GTPBP10: variants seen among roughly 807,000 people sequenced by gnomAD.
GTPBP10 encodes GTP-binding protein 10.
A neutral mutation model predicts 44.8 loss-of-function variants in GTPBP10; 38 were observed. The observed-to-expected ratio is 0.85, with a 90% confidence interval of 0.65 to 1.11. The LOEUF is 1.11. GTPBP10 is among the 50% of genes most tolerant of loss of function. The probability of loss-of-function intolerance (pLI) is 0.00; values close to 1 mark genes in which losing one functional copy is unlikely to be tolerated. For missense variants in GTPBP10, 462 were observed against 453.7 expected, an observed-to-expected ratio of 1.02 and a Z score of -0.17; for synonymous variants, 152 against 150.6, an observed-to-expected ratio of 1.01 and a Z score of -0.07.
rs374946818 is a variant in GTPBP10, at chr7:90,355,071, C to T, written c.320-15C>T. ...ATTAATCTTTGCTGTAAGTATTTCT[C>T]TCCCTCTTTTTAAGGAGAACTCAAT... On this transcript the variant is annotated splice_polypyrimidine_tract_variant and intron_variant, in intron 3 of 9. Coordinates refer to ENST00000222511, the MANE Select transcript of GTPBP10 (RefSeq NM_033107.4). 26 of 1,502,542 alleles carry T rather than the reference C, an allele frequency of 1.7e-5. No individual in the cohort carries two copies. The African/African-American group carries it at 3.1e-4, about 18-fold the overall frequency. 93.1% of individuals were successfully genotyped at this position (1,502,542 alleles called of 1,614,324 possible).
chr7:90,385,017 C>G lies in GTPBP10; in HGVS notation c.1027C>G (p.Leu343Val), dbSNP rs769091506. 1.7e-5 allele frequency: 27 copies of G among 1,613,852 alleles called. No individual in the cohort carries two copies. Among genetic ancestry groups the G allele is most frequent in the Non-Finnish European group, 2.2e-5 (26 of 1,179,962 alleles). Reference sequence around the variant, plus strand: ...ATTAAAGAATTGTATAAGAAAGTCACTGGATGAACAGGCCAACCAGGAAAA... The same window carrying G: ...ATTAAAGAATTGTATAAGAAAGTCAGTGGATGAACAGGCCAACCAGGAAAA... Reference protein sequence around the residue: ...EELKNCIRKSLDEQANQENDA... With the variant: ...EELKNCIRKSVDEQANQENDA... The change falls in exon 10 of 10, where the codon CTG becomes GTG. Residue 343 changes from leucine (L) to valine (V), a missense_variant. Transcript: ENST00000222511.
chr7:90,361,163 A>G (rs28783219), intron 4 of GTPBP10, among the ~76,000 whole-genome samples: 2,064 of 152,248 alleles, frequency 0.014, 55 homozygotes, highest in African/African-American at 0.046. Context: ...AGAACTTCCA[A>G]TACTATGTTG....
intron 1 of GTPBP10, among the ~76,000 whole-genome samples, chr7:90,349,164 G>C (rs535837616): frequency 2.0e-4 from 31 of 152,290 alleles, no homozygotes; most frequent in East Asian, 9.6e-4. Context: ...CGAACTTACT[G>C]TTTGGGGCTT....
At chr7:90,360,516 A>C (rs1448626121) in intron 4 of GTPBP10, among the ~76,000 whole-genome samples, 1 of 152,208 alleles carries the variant, frequency 6.6e-6, no homozygotes, top group Admixed American at 6.5e-5. Context: ...TTTTGGTACC[A>C]GTACCATGCT....
At chr7:90,351,531 A>G (rs1795791022) in intron 1 of GTPBP10, among the ~76,000 whole-genome samples, 3 of 152,222 alleles carry the variant, frequency 2.0e-5, no homozygotes, top group African/African-American at 7.2e-5. Flanking sequence ...TTTTTTCAAT[A>G]TTTCCAATCT....
intron 4 of GTPBP10, among the ~76,000 whole-genome samples, chr7:90,359,252 C>T (rs1014819475): frequency 1.3e-5 from 2 of 152,024 alleles, no homozygotes; most frequent in Non-Finnish European, 2.9e-5. Context: ...CCCATCAACT[C>T]GTCATTTACA....
chr7:90,370,335 A>AGTGTGTGT (rs33997739), intron 4 of GTPBP10, among the ~76,000 whole-genome samples: 55 of 149,328 alleles, frequency 3.7e-4, no homozygotes, highest in African/African-American at 9.1e-4. Context: ...AAGAAAATTG[A>AGTGTGTGT]GTGTGTGTGT....
At chr7:90,356,862 A>C (rs945822175) in intron 4 of GTPBP10, among the ~76,000 whole-genome samples, 1 of 152,228 alleles carries the variant, frequency 6.6e-6, no homozygotes, top group African/African-American at 2.4e-5. Context: ...GGAAAACTGC[A>C]TATAATGAAA....
chr7:90,375,450 G>A (rs1244660603), intron 6 of GTPBP10, among the ~76,000 whole-genome samples: 1 of 151,836 alleles, frequency 6.6e-6, no homozygotes, highest in East Asian at 1.9e-4. Flanking sequence ...CATCAATATG[G>A]GTTCATACAG....
intron 4 of GTPBP10, among the ~76,000 whole-genome samples, chr7:90,369,702 C>A (rs1281731102): frequency 6.6e-6 from 1 of 152,156 alleles, no homozygotes; most frequent in African/African-American, 2.4e-5. Flanking sequence ...AGGAGTGTAC[C>A]ACTCCTCCAG....
chr7:90,375,719 A>C (rs1269109193), intron 6 of GTPBP10, among the ~76,000 whole-genome samples: 1 of 151,852 alleles, frequency 6.6e-6, no homozygotes, highest in South Asian at 2.1e-4. Flanking sequence ...GCTTCCTTTA[A>C]GACCCTGAAT....
chr7:90,367,654 T>C (rs1796161664), intron 4 of GTPBP10, among the ~76,000 whole-genome samples: 1 of 152,208 alleles, frequency 6.6e-6, no homozygotes, highest in Admixed American at 6.5e-5. Context: ...TCTATCCCTT[T>C]ATTTTGAGCC....
rs1484322952 is a variant in GTPBP10, at chr7:90,369,983, T to TGA, written c.465-2172_465-2171insGA. 4.6e-5 allele frequency among the ~76,000 whole-genome samples: 7 copies of TGA among 152,282 alleles called. No individual in the cohort carries two copies. The East Asian group carries it at 1.4e-3, about 29-fold the overall frequency. ...ACTCTTACAAAGACGTACAGAGTGT[T>TGA]ATAATGGGCATTGGAGACTCAGAGG... On this transcript the variant is annotated intron_variant, in intron 4 of 9. Coordinates refer to ENST00000222511, the MANE Select transcript of GTPBP10 (RefSeq NM_033107.4).
chr7:90,358,208 A>G (rs1370293610), intron 4 of GTPBP10, among the ~76,000 whole-genome samples: 1 of 152,158 alleles, frequency 6.6e-6, no homozygotes, highest in African/African-American at 2.4e-5. Context: ...TAAAATACCA[A>G]AGAATATACG....
chr7:90,352,123 G>A (rs1035206006), intron 1 of GTPBP10, among the ~76,000 whole-genome samples: 1 of 152,210 alleles, frequency 6.6e-6, no homozygotes, highest in Admixed American at 6.5e-5. Context: ...CCTAAACACT[G>A]AAAGGAGCTC....
intron 4 of GTPBP10, among the ~76,000 whole-genome samples, chr7:90,359,636 T>C (rs1795973860): frequency 6.6e-6 from 1 of 152,234 alleles, no homozygotes; most frequent in African/African-American, 2.4e-5. Context: ...GCATGATTTA[T>C]AATCGTTCGG....
chr7:90,380,579 A>G (rs1796419947), intron 8 of GTPBP10, among the ~76,000 whole-genome samples: 1 of 152,200 alleles, frequency 6.6e-6, no homozygotes, highest in African/African-American at 2.4e-5. Flanking sequence ...ATATTTGGAT[A>G]TATGTTTACC....
chr7:90,390,057 C>CTAGGA lies in GTPBP10; in HGVS notation c.*4905_*4909dup. The CTAGGA allele has an allele frequency of 6.6e-6, 1 of 152,234 alleles. No homozygotes were observed. Among genetic ancestry groups the CTAGGA allele is most frequent in the Non-Finnish European group, 1.5e-5 (1 of 68,062 alleles). 9.4% of individuals were successfully genotyped at this position (152,234 alleles called of 1,614,324 possible). A position where few individuals can be genotyped will look rare whatever the true frequency, so the allele number is the denominator to read the frequency against. Reference sequence around the variant, plus strand: ...CCTCCCACTTCAGTCTCTGAAAGTGCTAGGATTATAGGCATGAGCCATTTA... The same window carrying CTAGGA: ...CCTCCCACTTCAGTCTCTGAAAGTGCTAGGATAGGATTATAGGCATGAGCCATTTA... On this transcript the variant is annotated 3_prime_UTR_variant, in exon 10 of 10. Transcript: ENST00000222511.
rs758264946 is a variant in GTPBP10, at chr7:90,352,888, G to T, written c.106G>T (p.Gly36Cys). Reference sequence around the variant, plus strand: ...CGGTGGAATGGGTTATCCTCGTTTAGGTGGAGAAGGTGGAAAAGGTGGTGA... The same window carrying T: ...CGGTGGAATGGGTTATCCTCGTTTATGTGGAGAAGGTGGAAAAGGTGGTGA... ...GSGGMGYPRLGGEGGKGGDVW... is the reference protein window; with the variant it reads ...GSGGMGYPRLCGEGGKGGDVW... Residue 36 changes from glycine to cysteine, a missense_variant, in exon 2 of 10, where the codon GGT (glycine) becomes TGT (cysteine). Gly to Cys is a radical substitution (Grantham distance 159). Coordinates refer to ENST00000222511, the MANE Select transcript of GTPBP10 (RefSeq NM_033107.4). 6.2e-7 allele frequency: 1 copy of T among 1,613,890 alleles called. No individual in the cohort carries two copies. The highest frequency in any genetic ancestry group is 8.5e-7 in the Non-Finnish European group (1 of 1,179,948).
Sources: gnomAD v4.1 joint callset for allele counts (sites outside exome capture counted in the v4.1 genomes callset) on GRCh38, gnomAD v4.1.1 for gene constraint, MANE v1.5 for transcripts, NCBI Gene and HGNC (gene_info 2026-07-23, HGNC 2026-07-21) for gene names.